Variants in FMNL1 observed in about 807,000 individuals in gnomAD.
FMNL1 encodes formin like 1, also known as formin-like protein 1.
Under a neutral mutation model 121.3 loss-of-function variants are expected in FMNL1, and 43 were observed. The observed-to-expected ratio is 0.35, with a 90% CI of 0.28 to 0.46. FMNL1 has a LOEUF of 0.46. Among genes scored for constraint, FMNL1 ranks in the 20% least tolerant of loss-of-function variants. FMNL1 has a pLI of 1.00. For missense variants in FMNL1, 1,191 were observed against 1,482.4 expected (o/e 0.80, Z 3.23); for synonymous variants, 613 against 613.5 (o/e 1.00, Z 0.01).
rs569386802 is a variant in FMNL1 at position 45,234,262 on chromosome 17, T to G, written c.614+62T>G. On this transcript the variant is annotated intron_variant, in intron 6 of 26. Coordinates refer to ENST00000331495, the MANE Select transcript of FMNL1 (RefSeq NM_005892.4). ...AGAATTCAGCCCCCACACTGCTGCA[T>G]CTAGCCAGCCCACCCCGGGCCCTTG... is the stretch of plus-strand genomic sequence containing the variant. 24 of 1,612,040 alleles carry G rather than the reference T, an allele frequency of 1.5e-5. No homozygotes were observed. The South Asian group carries it at 2.4e-4, about 16-fold the overall frequency.
chr17:45,235,714 C>T (rs765169956), intron 6 of FMNL1, among the ~76,000 whole-genome samples: 2 of 152,128 alleles, frequency 1.3e-5, no homozygotes, highest in East Asian at 1.9e-4. Flanking sequence ...ATTCTAGAAG[C>T]GAGGAAAGTG....
At chr17:45,238,218 A>C in intron 9 of FMNL1, 9 of 241,438 alleles carry the variant, frequency 3.7e-5, no homozygotes, top group East Asian at 9.2e-5. Flanking sequence ...GGGAGGGGGA[A>C]TTGGTTGCAG....
intron 16 of FMNL1, 89 bp downstream of exon 16, chr17:45,242,554 C>T: frequency 1.3e-6 from 2 of 1,517,034 alleles, no homozygotes; most frequent in Non-Finnish European, 1.8e-6. Context: ...TAGTCATTTT[C>T]TCCAAGCCAT....
Position 45,241,896 on chromosome 17 carries a change from G to GC in FMNL1, c.1640dup (p.Leu548ThrfsTer51). 7.1e-7 allele frequency: 1 copy of GC among 1,417,868 alleles called. No individual in the cohort carries two copies. The highest frequency in any genetic ancestry group is 9.1e-7 in the Non-Finnish European group (1 of 1,094,648). The allele number at this position is 1,417,868 out of a possible 1,614,324, so 87.8% of individuals were successfully genotyped here. On this transcript the variant is annotated frameshift_variant, in exon 15 of 27. Transcript: ENST00000331495. LOFTEE classifies it high-confidence loss of function. This position sits in a 1 kb window ranked among gnomAD's most constrained non-coding sequence, Gnocchi z 7.0. ...CTCCCGGAGCAGCGCCACCGCCGCC[G>GC]CCCCCACTGCCCGGCCTCCCCTCCC... is the stretch of plus-strand genomic sequence containing the variant.
intron 19 of FMNL1, 122 bp from the exon 20 acceptor site, chr17:45,244,697 G>C: frequency 1.0e-6 from 1 of 995,810 alleles, no homozygotes; most frequent in Non-Finnish European, 1.5e-6. Context: ...CTGTGCAGGA[G>C]TACAGTAGGG....
In FMNL1 at chr17:45,247,248, C is replaced by T. The variant is rs903989373; in HGVS notation, c.*390C>T. On this transcript the variant is annotated 3_prime_UTR_variant, in exon 27 of 27. Coordinates refer to ENST00000331495, the MANE Select transcript of FMNL1 (RefSeq NM_005892.4). Reference sequence around the variant, plus strand: ...TAACTTATAAAGTGCACCTCGCCCCCGCAAGCCCCAGCCCCGAGGACCGTC... The same window carrying T: ...TAACTTATAAAGTGCACCTCGCCCCTGCAAGCCCCAGCCCCGAGGACCGTC... 6.6e-6 allele frequency: 3 copies of T among 451,756 alleles called. No homozygotes were observed. The highest frequency in any genetic ancestry group is 7.9e-6 in the Non-Finnish European group (2 of 252,374). 28.0% of individuals were successfully genotyped at this position (451,756 alleles called of 1,614,324 possible). A position where few individuals can be genotyped will look rare whatever the true frequency, so the allele number is the denominator to read the frequency against.
In FMNL1 at chr17:45,222,046, G is replaced by A; in HGVS notation, c.-79G>A. The A allele has an allele frequency of 3.6e-6, 4 of 1,096,660 alleles. No individual in the cohort carries two copies. The highest frequency in any genetic ancestry group is 4.5e-6 in the Non-Finnish European group (4 of 893,926). The allele number at this position is 1,096,660 out of a possible 1,614,324, so 67.9% of individuals were successfully genotyped here. Reference sequence around the variant, plus strand: ...CCGCTGCCCCCTCGCCCCCGCCCGGGCCGGGAGCCTCGTCCCCGTCCCCCG... The same window carrying A: ...CCGCTGCCCCCTCGCCCCCGCCCGGACCGGGAGCCTCGTCCCCGTCCCCCG... On this transcript the variant is annotated 5_prime_UTR_variant, in exon 1 of 27. Coordinates refer to ENST00000331495, the MANE Select transcript of FMNL1 (RefSeq NM_005892.4).
At position 45,241,729 on chromosome 17, in the gene FMNL1, T is replaced by C. The variant is rs2043701281; in HGVS notation, c.1585+95T>C. On this transcript the variant is annotated intron_variant, in intron 14 of 26. Transcript: ENST00000331495. The surrounding 1 kb of genome is among the most constrained non-coding windows in gnomAD (Gnocchi z 7.0). ...CGGGCAGAGTTGGGCGAGGGAGGTT[T>C]GGATTGTAGGCTCGGCTCAGGTAGG... 1 of 1,433,684 alleles carries C rather than the reference T, an allele frequency of 7.0e-7. No individual in the cohort carries two copies. The highest frequency in any genetic ancestry group is 1.5e-5 in the South Asian group (1 of 67,888). The allele number at this position is 1,433,684 out of a possible 1,614,324, so 88.8% of individuals were successfully genotyped here. A position where few individuals can be genotyped will look rare whatever the true frequency, so the allele number is the denominator to read the frequency against.
rs1338867666 is a variant in FMNL1, at chr17:45,233,457, C to T, written c.401+160C>T. 6.6e-6 allele frequency among the ~76,000 whole-genome samples: 1 copy of T among 152,082 alleles called. No homozygotes were observed. The highest frequency in any genetic ancestry group is 2.4e-5 in the African/African-American group (1 of 41,406). ...AGGACAGCTTCCCCTCCCCTTCCTG[C>T]CCATGCTCTGACTGGCACCTTGAGG... On this transcript the variant is annotated intron_variant, in intron 4 of 26. Transcript: ENST00000331495. The surrounding 1 kb of genome is among the most constrained non-coding windows in gnomAD (Gnocchi z 4.1).
chr17:45,235,995 C>T, intron 6 of FMNL1, 141 bp from the exon 7 acceptor site: 1 of 669,184 alleles, frequency 1.5e-6, no homozygotes, highest in Non-Finnish European at 2.6e-6. Context: ...CTGCCCTCAG[C>T]CAGCCTCTTT....
At position 45,246,914 on chromosome 17, in the gene FMNL1, G is replaced by T. The variant is rs2043851801; in HGVS notation, c.*56G>T. ...CCGCGCAGACACAGGCCGCCGCAGT[G>T]CCCGTCGGCGTCCCCCGGGCCCCCC... On this transcript the variant is annotated 3_prime_UTR_variant, in exon 27 of 27. Coordinates refer to ENST00000331495, the MANE Select transcript of FMNL1 (RefSeq NM_005892.4). 1 of 758,256 alleles carries T rather than the reference G, an allele frequency of 1.3e-6. No homozygotes were observed. Among genetic ancestry groups the T allele is most frequent in the East Asian group, 2.4e-5 (1 of 40,952 alleles). The allele number at this position is 758,256 out of a possible 1,614,324, so 47.0% of individuals were successfully genotyped here.
At chr17:45,244,679 T>G in intron 19 of FMNL1, 140 bp from the exon 20 acceptor site, 1 of 830,816 alleles carries the variant, frequency 1.2e-6, no homozygotes, top group African/African-American at 1.7e-5. Context: ...GCTGTGGATC[T>G]GAGGGGCCTG....
At chr17:45,246,463 TTCCTTTC>T in intron 25 of FMNL1, 35 bp from the exon 26 acceptor site, 1 of 1,613,830 alleles carries the variant, frequency 6.2e-7, no homozygotes, top group Non-Finnish European at 8.5e-7. Flanking sequence ...TCTTTCCTTT[TTCCTTTC>T]TCTACTCCCC....
At chr17:45,232,648 G>C (rs1367559268) in intron 3 of FMNL1, among the ~76,000 whole-genome samples, 168 bp downstream of exon 3, 1 of 151,984 alleles carries the variant, frequency 6.6e-6, no homozygotes, top group African/African-American at 2.4e-5. Context: ...AGAGTGCCCT[G>C]GGTGTGCACT....
At chr17:45,232,775 T>C in intron 3 of FMNL1, 1 of 588,468 alleles carries the variant, frequency 1.7e-6, no homozygotes, top group Non-Finnish European at 3.2e-6. Flanking sequence ...GTGTATACTA[T>C]GTGTGTACTT....
intron 11 of FMNL1, 141 bp downstream of exon 11, chr17:45,239,206 A>C: frequency 1.5e-6 from 1 of 662,110 alleles, no homozygotes; most frequent in South Asian, 1.8e-5. Context: ...GACCTTGGAT[A>C]GGCCTCTTCC....
chr17:45,243,728 C>A, intron 17 of FMNL1, 63 bp from the exon 18 acceptor site: 1 of 1,484,538 alleles, frequency 6.7e-7, no homozygotes, highest in Non-Finnish European at 9.3e-7. Context: ...GCAGGGGTAG[C>A]CCTGCTCCCA....
At chr17:45,235,987 G>A (rs987415174) in intron 6 of FMNL1, 149 bp from the exon 7 acceptor site, 1 of 641,068 alleles carries the variant, frequency 1.6e-6, no homozygotes, top group Non-Finnish European at 2.7e-6. Context: ...AAGCCTGCCT[G>A]CCCTCAGCCA....
intron 3 of FMNL1, chr17:45,232,860 TC>T: frequency 1.8e-6 from 1 of 557,530 alleles, no homozygotes; most frequent in East Asian, 4.2e-5. Flanking sequence ...TGTGTGTGTG[TC>T]CATGTATGGA....
Sources: allele counts gnomAD v4.1 joint callset (sites outside exome capture counted in the v4.1 genomes callset), GRCh38; gene constraint gnomAD v4.1.1; non-coding constraint Gnocchi (gnomAD v3.1); transcripts MANE v1.5; gene names NCBI Gene and HGNC (gene_info 2026-07-23, HGNC 2026-07-21).